The following NRG1 variants were observed in gnomAD, a reference collection of about 807,000 sequenced individuals.
NRG1 encodes the protein neuregulin 1, also known as pro-neuregulin-1, membrane-bound isoform.
A neutral mutation model predicts 63.8 loss-of-function variants in NRG1; 18 were observed. The ratio of observed to expected loss-of-function variants is 0.28; its 90% CI spans 0.19 to 0.42. NRG1 has a LOEUF of 0.42. Among genes scored for constraint, NRG1 ranks in the 10% least tolerant of loss-of-function variants. The probability of loss-of-function intolerance (pLI) is 1.00; values close to 1 mark genes in which losing one functional copy is unlikely to be tolerated. For missense variants in NRG1, 762 were observed against 814.7 expected (o/e 0.94, Z 0.79); for synonymous variants, 302 against 301.3 (o/e 1.00, Z -0.02).
At chr8:32,133,230 G>C (rs113929489) in intron 1 of NRG1, among the ~76,000 whole-genome samples, 9 of 152,186 alleles carry the variant, frequency 5.9e-5, no homozygotes, top group African/African-American at 1.7e-4. Context: ...TTGTGTGTTA[G>C]AATCAGTGGT....
At chr8:32,344,514 C>T (rs1479281487) in intron 1 of NRG1, among the ~76,000 whole-genome samples, 1 of 149,920 alleles carries the variant, frequency 6.7e-6, no homozygotes, top group Non-Finnish European at 1.5e-5. Context: ...TCACTGCAGC[C>T]CCGACTTCAC....
At chr8:31,974,197 G>C (rs780587050) in intron 1 of NRG1, among the ~76,000 whole-genome samples, 2 of 152,058 alleles carry the variant, frequency 1.3e-5, no homozygotes, top group Non-Finnish European at 2.9e-5. Context: ...ACAGGGACTC[G>C]CTGTGTCACC....
At chr8:32,769,215 A>G (rs950745367), downstream of NRG1, among the ~76,000 whole-genome samples, 3 of 152,316 alleles carry the variant, frequency 2.0e-5, no homozygotes, top group East Asian at 3.9e-4. Flanking sequence ...ATTGAACACT[A>G]TAAGCAGCTA....
intron 1 of NRG1, among the ~76,000 whole-genome samples, chr8:31,860,318 T>C (rs759295726): frequency 1.1e-4 from 16 of 152,206 alleles, no homozygotes; most frequent in Non-Finnish European, 2.1e-4. Flanking sequence ...ATAATACTCA[T>C]AATGCTGAAG....
chr8:32,366,671 G>GTATA (rs1808054844), intron 1 of NRG1, among the ~76,000 whole-genome samples: 7 of 86,504 alleles, frequency 8.1e-5, no homozygotes, highest in Admixed American at 2.5e-4. Context: ...GTGTGTGTGT[G>GTATA]TGTGTGTATA....
At chr8:31,804,709 T>C (rs528681642) in intron 1 of NRG1, among the ~76,000 whole-genome samples, 112 of 152,296 alleles carry the variant, frequency 7.4e-4, no homozygotes, top group African/African-American at 2.6e-3. Context: ...AAAGCCTCAG[T>C]TATTGCTCTT....
rs193273088 is a variant in NRG1 at position 32,622,331 on chromosome 8, T to A, written c.502+5446T>A. Among the ~76,000 whole-genome samples the A allele has an allele frequency of 8.3e-3, 1,266 of 152,220 alleles. 3 individuals are homozygous for A. Among genetic ancestry groups the A allele is most frequent in the Middle Eastern group, 0.027 (8 of 292 alleles). On this transcript the variant is annotated intron_variant, in intron 5 of 11. Transcript: ENST00000356819. ...TGGTGCTGCTAATTACCGTATAATT[T>A]TAAACAAATTATGTGACTTCCCTGA...
At chr8:32,126,784 C>T (rs962016460) in intron 1 of NRG1, among the ~76,000 whole-genome samples, 2 of 151,906 alleles carry the variant, frequency 1.3e-5, no homozygotes, top group Admixed American at 1.3e-4. Context: ...TTTCTCTCTG[C>T]CAAATACAAA....
intron 1 of NRG1, among the ~76,000 whole-genome samples, chr8:31,858,797 C>T (rs377142246): frequency 6.6e-5 from 10 of 152,138 alleles, no homozygotes; most frequent in Admixed American, 1.3e-4. Flanking sequence ...GGACAACGCC[C>T]GACTGCATGT....
chr8:32,145,670 C>T (rs1836794447), intron 1 of NRG1, among the ~76,000 whole-genome samples: 1 of 152,174 alleles, frequency 6.6e-6, no homozygotes, highest in South Asian at 2.1e-4. Context: ...AATGGGCCAG[C>T]CCTGAAGATA....
chr8:32,552,426 T>A (rs1467370322), intron 1 of NRG1, among the ~76,000 whole-genome samples: 1 of 152,096 alleles, frequency 6.6e-6, no homozygotes. Context: ...GGAGGGGCAT[T>A]TGTGAGTCTG....
intron 1 of NRG1, among the ~76,000 whole-genome samples, chr8:32,052,104 ACTGGTAGATAGCAGAGT>A (rs1822067211): frequency 6.6e-6 from 1 of 152,096 alleles, no homozygotes; most frequent in Non-Finnish European, 1.5e-5. Flanking sequence ...TATGGGATAT[ACTGGTAGATAGCAGAGT>A]CAGTAGTAAG....
At chr8:32,563,216 A>G (rs12681692) in intron 1 of NRG1, among the ~76,000 whole-genome samples, 30,339 of 152,148 alleles carry the variant, frequency 0.2, 3,857 homozygotes, top group Admixed American at 0.33. Context: ...TGGCCCAGGG[A>G]AGCCAAAATA....
At chr8:32,328,542 A>T (rs1205233087) in intron 1 of NRG1, among the ~76,000 whole-genome samples, 1 of 151,942 alleles carries the variant, frequency 6.6e-6, no homozygotes, top group East Asian at 1.9e-4. Context: ...TTAAAATGAC[A>T]TCCAGTTATT....
At chr8:31,783,746 G>A (rs1213773562) in intron 1 of NRG1, among the ~76,000 whole-genome samples, 2 of 152,146 alleles carry the variant, frequency 1.3e-5, no homozygotes, top group African/African-American at 4.8e-5. Flanking sequence ...CAACTGAGAT[G>A]TTTTATATTA....
chr8:32,318,274 T>C (rs897394851), intron 1 of NRG1, among the ~76,000 whole-genome samples: 1 of 152,204 alleles, frequency 6.6e-6, no homozygotes, highest in East Asian at 1.9e-4. Context: ...TATGAATTCC[T>C]TGAATTTCAT....
At chr8:31,807,948 C>CGCGTGT (rs1554538759) in intron 1 of NRG1, among the ~76,000 whole-genome samples, 1 of 137,068 alleles carries the variant, frequency 7.3e-6, no homozygotes, top group Non-Finnish European at 1.7e-5. Context: ...AGAGTATTCG[C>CGCGTGT]GTGTGTGTGT....
chr8:31,669,599 G>GA (rs1187229465), intron 1 of NRG1, among the ~76,000 whole-genome samples: 4 of 151,784 alleles, frequency 2.6e-5, no homozygotes, highest in Non-Finnish European at 4.4e-5. Context: ...TGAACCATCA[G>GA]AAAAAAAAGG....
At chr8:32,498,363 G>A (rs923907664) in intron 1 of NRG1, among the ~76,000 whole-genome samples, 2 of 152,178 alleles carry the variant, frequency 1.3e-5, no homozygotes, top group African/African-American at 4.8e-5. Flanking sequence ...ATTTATAAAT[G>A]AAAAAGGTTT....
Sources: gnomAD v4.1 joint callset for allele counts (sites outside exome capture counted in the v4.1 genomes callset) on GRCh38, gnomAD v4.1.1 for gene constraint, MANE v1.5 for transcripts, NCBI Gene and HGNC (gene_info 2026-07-23, HGNC 2026-07-21) for gene names.